Variants in PELI1 observed in about 807,000 individuals in gnomAD.
The protein encoded by PELI1 is E3 ubiquitin-protein ligase pellino homolog 1.
Under a neutral mutation model 41.3 loss-of-function variants are expected in PELI1, and 15 were observed. That is an observed-to-expected ratio of 0.36 (90% CI 0.24 to 0.56). PELI1 has a LOEUF of 0.56. Ranked by LOEUF, PELI1 falls within the 20% of genes least tolerant of loss-of-function variation. PELI1 has a pLI of 0.82. For synonymous variants in PELI1, 178 were observed against 180.1 expected (o/e 0.99, Z 0.09); for missense variants, 403 against 525.5 (o/e 0.77, Z 2.28).
At chr2:64,099,899 G>A (rs937531689) in intron 4 of PELI1, among the ~76,000 whole-genome samples, 1 of 152,206 alleles carries the variant, frequency 6.6e-6, no homozygotes, top group African/African-American at 2.4e-5. Context: ...AATACATGCT[G>A]AGAAAAAGGT....
At chr2:64,138,803 T>TCC (rs1681803189) in intron 1 of PELI1, among the ~76,000 whole-genome samples, 1 of 152,186 alleles carries the variant, frequency 6.6e-6, no homozygotes, top group African/African-American at 2.4e-5. Flanking sequence ...CCATTTATTC[T>TCC]CCCTTCCCCT....
intron 2 of PELI1, among the ~76,000 whole-genome samples, chr2:64,106,756 TC>T (rs1322421363): frequency 6.6e-6 from 1 of 152,132 alleles, no homozygotes; most frequent in Non-Finnish European, 1.5e-5. Flanking sequence ...ATTCCTAACA[TC>T]CAGTCAAGCT....
intron 6 of PELI1, 35 bp downstream of exon 6, chr2:64,096,090 T>C (rs771952877): frequency 1.4e-6 from 2 of 1,450,284 alleles, no homozygotes; most frequent in African/African-American, 1.4e-5. Context: ...ATGTGTTTAT[T>C]GTAGCTAATT....
intron 1 of PELI1, among the ~76,000 whole-genome samples, chr2:64,130,419 G>T (rs1681518461): frequency 6.6e-6 from 1 of 152,044 alleles, no homozygotes; most frequent in Non-Finnish European, 1.5e-5. Flanking sequence ...GTATTTCAAG[G>T]CCCATTTGAT....
At chr2:64,105,207 A>T (rs1680580719) in intron 2 of PELI1, among the ~76,000 whole-genome samples, 1 of 152,228 alleles carries the variant, frequency 6.6e-6, no homozygotes, top group South Asian at 2.1e-4. Flanking sequence ...CAACCTTTAA[A>T]AAGTACAGTA....
chr2:64,112,831 CTTTT>C (rs547120334), intron 1 of PELI1, among the ~76,000 whole-genome samples: 1 of 149,304 alleles, frequency 6.7e-6, no homozygotes, highest in African/African-American at 2.5e-5. Context: ...CTTCCTGGAA[CTTTT>C]TTTTTTATGT....
chr2:64,132,196 G>T (rs1031476502), intron 1 of PELI1, among the ~76,000 whole-genome samples: 8 of 152,076 alleles, frequency 5.3e-5, no homozygotes, highest in African/African-American at 1.9e-4. Context: ...ATCGTGCTGA[G>T]AACTTTATAT....
At chr2:64,110,112 G>A (rs1439250100) in intron 1 of PELI1, among the ~76,000 whole-genome samples, 1 of 152,054 alleles carries the variant, frequency 6.6e-6, no homozygotes, top group Admixed American at 6.6e-5. Context: ...AGGCATGGTG[G>A]TGTGCCTTGT....
chr2:64,103,395 A>T (rs988507355), intron 3 of PELI1, among the ~76,000 whole-genome samples: 1 of 152,138 alleles, frequency 6.6e-6, no homozygotes, highest in Non-Finnish European at 1.5e-5. Context: ...GCAGGCTCAA[A>T]TGGCATTTTG....
In PELI1 at chr2:64,138,555, T is replaced by C. The variant is rs1187836031; in HGVS notation, c.-70+5526A>G. Among the ~76,000 whole-genome samples, 4 of 152,170 alleles carry C rather than the reference T, an allele frequency of 2.6e-5. No individual in the cohort carries two copies. In the East Asian group the frequency reaches 7.7e-4, roughly 29 times the overall value. On this transcript the variant is annotated intron_variant, in intron 1 of 6. Coordinates refer to ENST00000358912, the MANE Select transcript of PELI1 (RefSeq NM_020651.4). ...CGGTCCGGCCAACATGGTGAAACCC[T>C]GTCTCTACTAAAAATACAAAACTCT... is the stretch of plus-strand genomic sequence containing the variant.
chr2:64,133,299 G>A (rs7573532), intron 1 of PELI1, among the ~76,000 whole-genome samples: 97,933 of 151,996 alleles, frequency 0.64, 33,716 homozygotes, highest in African/African-American at 0.88. Context: ...CTCATACAGT[G>A]AGTTTCAACC....
At chr2:64,108,166 A>G in intron 2 of PELI1, 74 bp downstream of exon 2, 1 of 793,956 alleles carries the variant, frequency 1.3e-6, no homozygotes. Context: ...CAAAAAAAAA[A>G]GTACTTTTAG....
intron 4 of PELI1, among the ~76,000 whole-genome samples, chr2:64,098,899 A>T (rs1396695447): frequency 1.3e-5 from 2 of 152,208 alleles, no homozygotes; most frequent in Admixed American, 6.5e-5. Flanking sequence ...TAATCAGTTT[A>T]TGATACTGGG....
At chr2:64,126,448 C>T (rs1681388012) in intron 1 of PELI1, among the ~76,000 whole-genome samples, 1 of 152,198 alleles carries the variant, frequency 6.6e-6, no homozygotes, top group Admixed American at 6.5e-5. Flanking sequence ...AGGCATGAGC[C>T]ACTGTGCCCA....
At chr2:64,142,081 A>G (rs1284250716) in intron 1 of PELI1, among the ~76,000 whole-genome samples, 1 of 152,190 alleles carries the variant, frequency 6.6e-6, no homozygotes, top group Non-Finnish European at 1.5e-5. Context: ...AATAAATACT[A>G]CTACTATTAC....
intron 4 of PELI1, among the ~76,000 whole-genome samples, chr2:64,098,399 A>C (rs1680313429): frequency 6.6e-6 from 1 of 152,194 alleles, no homozygotes; most frequent in Non-Finnish European, 1.5e-5. Context: ...ATTTCCTGCT[A>C]TTTGTGTATA....
chr2:64,137,860 A>G (rs2103746500), intron 1 of PELI1, among the ~76,000 whole-genome samples: 1 of 152,342 alleles, frequency 6.6e-6, no homozygotes, highest in Non-Finnish European at 1.5e-5. Context: ...AAACTGGCTT[A>G]GACGACAAAA....
chr2:64,107,422 G>C (rs1043232449), intron 2 of PELI1, among the ~76,000 whole-genome samples: 1 of 152,182 alleles, frequency 6.6e-6, no homozygotes, highest in Non-Finnish European at 1.5e-5. Flanking sequence ...TAGGAGCTAA[G>C]AAGTAGCTAG....
chr2:64,093,472 C>T lies in PELI1; in HGVS notation c.*1230G>A, dbSNP rs928253762. 6 of 152,590 alleles carry T rather than the reference C, an allele frequency of 3.9e-5. No individual in the cohort carries two copies. The highest frequency in any genetic ancestry group is 8.8e-5 in the Non-Finnish European group (6 of 68,024). The allele number at this position is 152,590 out of a possible 1,614,324, so 9.5% of individuals were successfully genotyped here. ...GGTGGGAAGGAGGGGAGAGAAGAAA[C>T]TTTTCTTGCTTCTGGAAGCAAAAGA... On this transcript the variant is annotated 3_prime_UTR_variant, in exon 7 of 7. Transcript: ENST00000358912.
Sources: gnomAD v4.1 joint callset for allele counts (sites outside exome capture counted in the v4.1 genomes callset) on GRCh38, gnomAD v4.1.1 for gene constraint, MANE v1.5 for transcripts, NCBI Gene and HGNC (gene_info 2026-07-23, HGNC 2026-07-21) for gene names.